The following CYYR1 variants were observed in gnomAD, a reference collection of about 807,000 sequenced individuals.
CYYR1 encodes cysteine and tyrosine rich 1, also known as cysteine and tyrosine-rich protein 1.
Under a neutral mutation model 15.2 loss-of-function variants are expected in CYYR1, and 14 were observed. The observed-to-expected ratio is 0.92, with a 90% CI of 0.61 to 1.44. CYYR1 has a LOEUF of 1.44. Ranked by LOEUF, CYYR1 falls within the 40% of genes most tolerant of loss-of-function variation. The pLI is 0.00. For synonymous variants in CYYR1, 80 were observed against 77.4 expected, an observed-to-expected ratio of 1.03 and a Z score of -0.18; for missense variants, 228 against 209.5, an observed-to-expected ratio of 1.09 and a Z score of -0.54.
chr21:26,539,676 T>C (rs222949), intron 2 of CYYR1, among the ~76,000 whole-genome samples: 2,272 of 152,336 alleles, frequency 0.015, 34 homozygotes, highest in South Asian at 0.088. Flanking sequence ...TAGATCTCTA[T>C]GTTCTCTAGT....
At chr21:26,473,912 T>C (rs2065067348) in intron 3 of CYYR1, among the ~76,000 whole-genome samples, 1 of 152,188 alleles carries the variant, frequency 6.6e-6, no homozygotes, top group Non-Finnish European at 1.5e-5. Context: ...CTACCACCTA[T>C]AGGGCCAGGA....
chr21:26,504,224 GTATTTATT>G (rs59992346), intron 2 of CYYR1, among the ~76,000 whole-genome samples: 24 of 150,444 alleles, frequency 1.6e-4, no homozygotes, highest in Non-Finnish European at 2.8e-4. Context: ...TCTTTGTGAT[GTATTTATT>G]TATTTATTTA....
chr21:26,549,956 C>A (rs999517082), intron 2 of CYYR1, among the ~76,000 whole-genome samples: 3 of 152,028 alleles, frequency 2.0e-5, no homozygotes, highest in Non-Finnish European at 2.9e-5. Flanking sequence ...ATTGTATTTT[C>A]TTTATTGAGT....
chr21:26,534,210 T>A (rs768707920), intron 2 of CYYR1, among the ~76,000 whole-genome samples: 1 of 152,212 alleles, frequency 6.6e-6, no homozygotes, highest in Admixed American at 6.6e-5. Flanking sequence ...AGAAATGATG[T>A]CTTATTTTGT....
chr21:26,566,849 A>G (rs1980660198), intron 1 of CYYR1, among the ~76,000 whole-genome samples: 1 of 152,104 alleles, frequency 6.6e-6, no homozygotes, highest in Non-Finnish European at 1.5e-5. Flanking sequence ...TGTCTACTAA[A>G]AATACAAAAA....
chr21:26,510,462 C>T (rs2065631542), intron 2 of CYYR1, among the ~76,000 whole-genome samples: 1 of 152,110 alleles, frequency 6.6e-6, no homozygotes, highest in Admixed American at 6.5e-5. Context: ...AGATGTATAA[C>T]AAACACTTAA....
chr21:26,498,476 C>T (rs2065436652), intron 2 of CYYR1, among the ~76,000 whole-genome samples: 1 of 152,072 alleles, frequency 6.6e-6, no homozygotes, highest in South Asian at 2.1e-4. Flanking sequence ...GAGAAAAGTT[C>T]AATACAGCAA....
At chr21:26,567,881 C>T (rs1446460427) in intron 1 of CYYR1, 1 of 152,164 alleles carries the variant, frequency 6.6e-6, no homozygotes, top group Non-Finnish European at 1.5e-5. Flanking sequence ...TCACCATTAA[C>T]AATTATGCGT....
rs560344445 is a variant in CYYR1 at position 26,534,405 on chromosome 21, T to G, written c.176+31861A>C. On this transcript the variant is annotated intron_variant, in intron 2 of 3. Coordinates refer to ENST00000652641, the MANE Select transcript of CYYR1 (RefSeq NM_001320768.2). ...GTGCTGAATCTTTTCTTGCCCCTCC[T>G]GATCTACTCTCTACCTTGCTCCATC... is the stretch of plus-strand genomic sequence containing the variant. Among the ~76,000 whole-genome samples the G allele has an allele frequency of 2.0e-5, 3 of 152,280 alleles. No homozygotes were observed. In the East Asian group the frequency reaches 5.8e-4, roughly 29 times the overall value.
chr21:26,548,727 G>A (rs1601819324), intron 2 of CYYR1, among the ~76,000 whole-genome samples: 1 of 152,246 alleles, frequency 6.6e-6, no homozygotes, highest in East Asian at 1.9e-4. Context: ...TAATAATAAT[G>A]TAGATTTTCT....
intron 2 of CYYR1, among the ~76,000 whole-genome samples, chr21:26,516,562 T>C (rs1344343954): frequency 1.3e-5 from 2 of 152,214 alleles, no homozygotes; most frequent in African/African-American, 2.4e-5. Flanking sequence ...GATGAGTTTA[T>C]AGAGATCTCC....
At chr21:26,497,176 CA>C (rs2065416776) in intron 2 of CYYR1, among the ~76,000 whole-genome samples, 1 of 152,094 alleles carries the variant, frequency 6.6e-6, no homozygotes, top group Non-Finnish European at 1.5e-5. Flanking sequence ...CATATTTGGT[CA>C]GATTTAATTC....
At chr21:26,481,992 C>T (rs1260072985) in intron 2 of CYYR1, among the ~76,000 whole-genome samples, 1 of 151,942 alleles carries the variant, frequency 6.6e-6, no homozygotes, top group Non-Finnish European at 1.5e-5. Flanking sequence ...TTGCATATTC[C>T]ACAAAAGCAA....
At chr21:26,561,856 A>G (rs1239496741) in intron 2 of CYYR1, among the ~76,000 whole-genome samples, 2 of 152,180 alleles carry the variant, frequency 1.3e-5, no homozygotes, top group South Asian at 4.1e-4. Context: ...ATTTTCCTCA[A>G]CTTTACTTCA....
intron 2 of CYYR1, among the ~76,000 whole-genome samples, chr21:26,490,189 A>G (rs2065309398): frequency 6.6e-6 from 1 of 151,952 alleles, no homozygotes; most frequent in African/African-American, 2.4e-5. Flanking sequence ...AGTCTCATCT[A>G]CTTGGTAGGA....
At chr21:26,524,064 T>C (rs558964962) in intron 2 of CYYR1, among the ~76,000 whole-genome samples, 1 of 152,334 alleles carries the variant, frequency 6.6e-6, no homozygotes, top group South Asian at 2.1e-4. Context: ...AGGTTTACCA[T>C]TAAGACAAAT....
At chr21:26,483,503 T>G in intron 2 of CYYR1, 1 of 804,770 alleles carries the variant, frequency 1.2e-6, no homozygotes, top group Non-Finnish European at 1.5e-6. Context: ...CAGGACAAAC[T>G]GAGATCAGAC....
intron 3 of CYYR1, among the ~76,000 whole-genome samples, chr21:26,477,123 T>A (rs2065115526): frequency 6.6e-6 from 1 of 152,178 alleles, no homozygotes; most frequent in Admixed American, 6.6e-5. Context: ...TGCTAAATTA[T>A]GCTCTCTGCA....
chr21:26,550,135 T>C, intron 2 of CYYR1, among the ~76,000 whole-genome samples: 1 of 152,224 alleles, frequency 6.6e-6, no homozygotes, highest in East Asian at 1.9e-4. Flanking sequence ...TTTTTCACTA[T>C]ATCTTTTTCA....
Sources: allele counts gnomAD v4.1 joint callset (sites outside exome capture counted in the v4.1 genomes callset), GRCh38; gene constraint gnomAD v4.1.1; transcripts MANE v1.5; gene names NCBI Gene and HGNC (gene_info 2026-07-23, HGNC 2026-07-21).